Variants in NEBL observed in about 807,000 individuals in gnomAD.
NEBL encodes nebulette, also known as LIM and SH3 protein 2.
In NEBL, 122 loss-of-function variants were observed where a neutral mutation model predicts 140.2. The observed-to-expected ratio is 0.87, with a 90% confidence interval of 0.75 to 1.01. NEBL has a LOEUF of 1.01. NEBL is among the 50% of genes least tolerant of loss of function. NEBL has a pLI of 0.00. For missense variants in NEBL, 1,365 were observed against 1,231.3 expected (o/e 1.11, Z -1.62); for synonymous variants, 436 against 398.9 (o/e 1.09, Z -1.11).
At chr10:21,269,139 T>G (rs963240301) in intron 1 of NEBL, among the ~76,000 whole-genome samples, 1 of 152,188 alleles carries the variant, frequency 6.6e-6, no homozygotes, top group Admixed American at 6.5e-5. Flanking sequence ...ACTTGTCCCA[T>G]CTTCTCCCAT....
intron 2 of NEBL, among the ~76,000 whole-genome samples, chr10:21,065,332 C>T (rs1035618309): frequency 6.6e-6 from 1 of 152,150 alleles, no homozygotes; most frequent in African/African-American, 2.4e-5. Context: ...GTTTTGTCTT[C>T]TTCACACTTT....
chr10:20,799,706 C>G (rs1453863611), intron 26 of NEBL, among the ~76,000 whole-genome samples: 2 of 152,142 alleles, frequency 1.3e-5, no homozygotes, highest in African/African-American at 4.8e-5. Context: ...CTTGAAGGGT[C>G]ACCAATCAGT....
At position 20,793,269 on chromosome 10, in the gene NEBL, A is replaced by T. The variant is rs144147330; in HGVS notation, c.2762-5961T>A. On this transcript the variant is annotated intron_variant, in intron 26 of 27. Transcript: ENST00000377122. ...CCAAGTTTTAAAGACATGCCTAATC[A>T]TCGTGATACAAAATAATTAAGCTCA... The T allele has an allele frequency of 7.4e-6, 6 of 814,246 alleles. No homozygotes were observed. In the African/African-American group the frequency reaches 9.3e-5, roughly 13 times the overall value. The allele number at this position is 814,246 out of a possible 1,614,324, so 50.4% of individuals were successfully genotyped here.
intron 2 of NEBL, among the ~76,000 whole-genome samples, chr10:21,045,806 T>A (rs2131841263): frequency 6.6e-6 from 1 of 152,258 alleles, no homozygotes; most frequent in African/African-American, 2.4e-5. Context: ...AGCATGGAGA[T>A]TTCCTCAAAA....
chr10:21,274,039 C>T (rs1030141198), intron 1 of NEBL, among the ~76,000 whole-genome samples: 1 of 152,134 alleles, frequency 6.6e-6, no homozygotes, highest in African/African-American at 2.4e-5. Flanking sequence ...TATGGCAATG[C>T]TGAGGGGATG....
At chr10:21,068,627 GCT>G (rs1835673279) in intron 2 of NEBL, among the ~76,000 whole-genome samples, 2 of 152,180 alleles carry the variant, frequency 1.3e-5, no homozygotes, top group South Asian at 4.1e-4. Context: ...GGACCCATGG[GCT>G]CTGGTCTTTT....
intron 2 of NEBL, among the ~76,000 whole-genome samples, chr10:21,067,993 A>AT (rs1564499640): frequency 6.6e-6 from 1 of 152,048 alleles, no homozygotes; most frequent in Admixed American, 6.6e-5. Flanking sequence ...AAAAAATGTA[A>AT]TATACTTCCC....
chr10:21,228,440 A>C (rs904905686), intron 3 of NEBL, among the ~76,000 whole-genome samples: 2 of 152,168 alleles, frequency 1.3e-5, no homozygotes, highest in African/African-American at 2.4e-5. Context: ...AGGCATGAGC[A>C]ACTGTGCCTG....
chr10:20,886,892 A>G (rs1290963169), intron 4 of NEBL, among the ~76,000 whole-genome samples: 3 of 152,248 alleles, frequency 2.0e-5, no homozygotes, highest in African/African-American at 7.2e-5. Context: ...CCTTAGAAAG[A>G]AAATTTTAAA....
At chr10:21,119,929 A>G (rs1838455746) in intron 2 of NEBL, among the ~76,000 whole-genome samples, 1 of 152,066 alleles carries the variant, frequency 6.6e-6, no homozygotes, top group African/African-American at 2.4e-5. Flanking sequence ...ATTTCCTAAG[A>G]GGATAACACC....
chr10:21,123,151 C>T (rs888275235), intron 2 of NEBL, among the ~76,000 whole-genome samples: 2 of 152,136 alleles, frequency 1.3e-5, no homozygotes, highest in African/African-American at 4.8e-5. Flanking sequence ...GAGGTTGATA[C>T]CAAAGGATGT....
At chr10:21,214,403 AGAG>A (rs1274475098) in intron 3 of NEBL, among the ~76,000 whole-genome samples, 1 of 152,156 alleles carries the variant, frequency 6.6e-6, no homozygotes, top group Non-Finnish European at 1.5e-5. Flanking sequence ...AGAAACAAGA[AGAG>A]AAGAAAGGAA....
At chr10:21,254,478 C>A (rs185482934) in intron 1 of NEBL, among the ~76,000 whole-genome samples, 4 of 151,976 alleles carry the variant, frequency 2.6e-5, no homozygotes, top group African/African-American at 9.7e-5. Flanking sequence ...TGTTGTCACC[C>A]TGTCACCCAG....
At chr10:20,837,858 A>G (rs890379884) in intron 13 of NEBL, among the ~76,000 whole-genome samples, 5 of 152,214 alleles carry the variant, frequency 3.3e-5, no homozygotes, top group African/African-American at 1.2e-4. Context: ...TATAAATGGA[A>G]TAACAAAGCC....
chr10:21,257,462 G>A (rs936432283), intron 1 of NEBL, among the ~76,000 whole-genome samples: 9 of 152,180 alleles, frequency 5.9e-5, no homozygotes, highest in Non-Finnish European at 1.2e-4. Context: ...TAATATGTAT[G>A]TAAAGTGCCT....
In NEBL at chr10:20,785,634, A is replaced by G; in HGVS notation, c.*113T>C. ...ACCTGTGTGTCTAATTGTCAAAGGAAGGATACATCATTGTAAAATAATGGC... is the reference window on the plus strand; with the variant it reads ...ACCTGTGTGTCTAATTGTCAAAGGAGGGATACATCATTGTAAAATAATGGC... On this transcript the variant is annotated 3_prime_UTR_variant, in exon 28 of 28. Transcript: ENST00000377122. 1 of 1,219,270 alleles carries G rather than the reference A, an allele frequency of 8.2e-7. No individual in the cohort carries two copies. The highest frequency in any genetic ancestry group is 1.2e-6 in the Non-Finnish European group (1 of 851,488). The allele number at this position is 1,219,270 out of a possible 1,614,324, so 75.5% of individuals were successfully genotyped here. A position where few individuals can be genotyped will look rare whatever the true frequency, so the allele number is the denominator to read the frequency against.
At chr10:21,290,443 T>A (rs936239859) in intron 1 of NEBL, among the ~76,000 whole-genome samples, 1 of 152,226 alleles carries the variant, frequency 6.6e-6, no homozygotes, top group East Asian at 1.9e-4. Context: ...AGGTTCACTC[T>A]GGAAGTTTCT....
Position 21,075,561 on chromosome 10 carries a change from C to T in NEBL, c.165-55360G>A, listed in dbSNP as rs549621956. 2.6e-5 allele frequency among the ~76,000 whole-genome samples: 4 copies of T among 152,284 alleles called. No individual in the cohort carries two copies. The East Asian group carries it at 7.7e-4, about 29-fold the overall frequency. Reference sequence around the variant, plus strand: ...TTGCTTTGTCCTTGCTGAGCCAAATCCTTCCAGAAGCACGATGCAGTTGCC... The same window carrying T: ...TTGCTTTGTCCTTGCTGAGCCAAATTCTTCCAGAAGCACGATGCAGTTGCC... On this transcript the variant is annotated intron_variant, in intron 2 of 6. Transcript: ENST00000417816.
At position 20,914,969 on chromosome 10, in the gene NEBL, A is replaced by ATTTTTTTTTTTTTTTTTTTTT. The variant is rs71390798; in HGVS notation, c.357+46702_357+46703insAAAAAAAAAAAAAAAAAAAAA. Among the ~76,000 whole-genome samples, 15 of 111,216 alleles carry ATTTTTTTTTTTTTTTTTTTTT rather than the reference A, an allele frequency of 1.3e-4. 2 individuals carry two copies. The highest frequency in any genetic ancestry group is 5.1e-4 in the African/African-American group (15 of 29,238). 73.0% of individuals were successfully genotyped at this position (111,216 alleles called of 152,430 possible). A position where few individuals can be genotyped will look rare whatever the true frequency, so the allele number is the denominator to read the frequency against. ...TACCTCTGCCTCCCAAGTGGCTGGGATTTTTTTTTTTTTTGGAGAGATGGG... is the reference window on the plus strand; with the variant it reads ...TACCTCTGCCTCCCAAGTGGCTGGGATTTTTTTTTTTTTTTTTTTTTTTTTTTTTTTTTTTGGAGAGATGGG... On this transcript the variant is annotated intron_variant, in intron 4 of 6. Coordinates refer to the NEBL transcript ENST00000417816.
Sources: gnomAD v4.1 joint callset for allele counts (sites outside exome capture counted in the v4.1 genomes callset) on GRCh38, gnomAD v4.1.1 for gene constraint, MANE v1.5 for transcripts, NCBI Gene and HGNC (gene_info 2026-07-23, HGNC 2026-07-21) for gene names.